The following ESPN variants were observed in gnomAD, a reference collection of about 807,000 sequenced individuals.
ESPN encodes espin.
ESPN carries 68 observed loss-of-function variants against 77.7 expected under a neutral mutation model. That is an observed-to-expected ratio of 0.87 (90% CI 0.72 to 1.07). ESPN has a LOEUF of 1.07. Ranked by LOEUF, ESPN falls within the 50% of genes least tolerant of loss-of-function variation. The pLI, the probability that ESPN is intolerant of heterozygous loss-of-function variation, is 0.00. For synonymous variants in ESPN, 449 were observed against 567.1 expected (o/e 0.79, Z 2.96); for missense variants, 1,060 against 1,239.0 (o/e 0.86, Z 2.17).
intron 2 of ESPN, among the ~76,000 whole-genome samples, chr1:6,430,982 G>C (rs1569589056): frequency 6.6e-6 from 1 of 152,134 alleles, no homozygotes; most frequent in Admixed American, 6.5e-5. Flanking sequence ...CAAAGAGCAG[G>C]TGGCCCCAAG....
At position 6,457,422 on chromosome 1, in the gene ESPN, G is replaced by A. The variant is rs752938674; in HGVS notation, c.2417+50G>A. The stretch of plus-strand genomic sequence containing the variant: ...TGCCACCCTTATCCCCACCCAAGTC[G>A]CAGAGGGTCGTCCCTTCATCCAGGC... On this transcript the variant is annotated intron_variant, in intron 12 of 12. Transcript: ENST00000645284. 7.4e-5 allele frequency: 119 copies of A among 1,613,616 alleles called. 1 individual carries two copies. In the Admixed American group the frequency reaches 1.4e-3, roughly 19 times the overall value.
At chr1:6,440,124 CG>C (rs751752459) in intron 2 of ESPN, 129 bp from the exon 3 acceptor site, 16 of 982,028 alleles carry the variant, frequency 1.6e-5, no homozygotes, top group Non-Finnish European at 2.3e-5. Flanking sequence ...AGCAGCGGGC[CG>C]GTGACAGGGC....
At chr1:6,453,982 G>C (rs142161153) in intron 10 of ESPN, among the ~76,000 whole-genome samples, 2 of 152,312 alleles carry the variant, frequency 1.3e-5, no homozygotes, top group South Asian at 4.1e-4. Flanking sequence ...CACAGGGAGC[G>C]GGAAGGCTTG....
At chr1:6,440,877 G>C in intron 4 of ESPN, 57 bp from the exon 5 acceptor site, 3 of 1,531,898 alleles carry the variant, frequency 2.0e-6, no homozygotes, top group Admixed American at 2.0e-5. Context: ...GGCCCTGCCC[G>C]GGCGCGGGGG....
chr1:6,448,803 G>C lies in ESPN; in HGVS notation c.1627G>C (p.Val543Leu). 8.5e-6 allele frequency: 11 copies of C among 1,297,534 alleles called. No homozygotes were observed. Among genetic ancestry groups the C allele is most frequent in the Non-Finnish European group, 1.1e-5 (11 of 1,027,948 alleles). The allele number at this position is 1,297,534 out of a possible 1,614,324, so 80.4% of individuals were successfully genotyped here. A position where few individuals can be genotyped will look rare whatever the true frequency, so the allele number is the denominator to read the frequency against. ...CCCGGGCATGGCGCACAGCGAGGAG[G>C]TGCGTGCCCGCCAGCCCGCGCGCGC... Reference protein sequence around the residue: ...ARPGMAHSEEVRARQPARAGC... With the variant: ...ARPGMAHSEELRARQPARAGC... The change falls in exon 8 of 13, where the codon GTG (valine) becomes CTG (leucine). Residue 543 changes from valine (V) to leucine (L), a missense_variant. Physicochemically the swap from Val to Leu is conservative, Grantham distance 32. This residue lies in a region of ESPN where 130 missense variants were observed against 223.9 expected (regional missense o/e 0.58). Coordinates refer to ENST00000645284, the MANE Select transcript of ESPN (RefSeq NM_031475.3).
In ESPN at chr1:6,433,133, A is replaced by AAAAAGAAAAAG. The variant is rs375837137; in HGVS notation, c.488+4723_488+4724insAGAAAAGAAAA. ...TGAGACTCCATCTCAAAAAAAAAGAAAAAAGAAAAGAAAAGACAGTGCAAG... is the reference window on the plus strand; with the variant it reads ...TGAGACTCCATCTCAAAAAAAAAGAAAAAAGAAAAAGAAAAGAAAAGAAAAGACAGTGCAAG... On this transcript the variant is annotated intron_variant, in intron 2 of 12. Coordinates refer to ENST00000645284, the MANE Select transcript of ESPN (RefSeq NM_031475.3). Among the ~76,000 whole-genome samples, 652 of 102,366 alleles carry AAAAAGAAAAAG rather than the reference A, an allele frequency of 6.4e-3. 9 individuals are homozygous for AAAAAGAAAAAG. Among genetic ancestry groups the AAAAAGAAAAAG allele is most frequent in the African/African-American group, 0.035 (594 of 17,068 alleles). 67.2% of individuals were successfully genotyped at this position (102,366 alleles called of 152,430 possible).
chr1:6,433,603 TTTCAA>T (rs1483536193), intron 2 of ESPN, among the ~76,000 whole-genome samples: 1 of 141,552 alleles, frequency 7.1e-6, no homozygotes, highest in African/African-American at 3.0e-5. Context: ...CAAGAATCCA[TTTCAA>T]AAAAAAAAAA....
Position 6,460,253 on chromosome 1 carries a change from T to G in ESPN, c.*107T>G. 7.1e-7 allele frequency: 1 copy of G among 1,414,514 alleles called. No homozygotes were observed. Among genetic ancestry groups the G allele is most frequent in the Non-Finnish European group, 9.6e-7 (1 of 1,045,290 alleles). The allele number at this position is 1,414,514 out of a possible 1,614,324, so 87.6% of individuals were successfully genotyped here. ...GGCTGGGAGCCGCACAGCCCTCCCC[T>G]CCTGCGCTGGAAACCCTCCCTGACC... is the stretch of plus-strand genomic sequence containing the variant. On this transcript the variant is annotated 3_prime_UTR_variant, in exon 13 of 13. Transcript: ENST00000645284.
chr1:6,449,120 G>C (rs1284615050), intron 8 of ESPN, 29 bp downstream of exon 8: 1 of 1,456,560 alleles, frequency 6.9e-7, no homozygotes, highest in African/African-American at 1.5e-5. Context: ...AGGGGCGTGG[G>C]GCGGCGCTAG....
intron 3 of ESPN, 30 bp from the exon 4 acceptor site, chr1:6,440,591 GCCCCC>G: frequency 9.4e-7 from 1 of 1,066,458 alleles, no homozygotes; most frequent in Non-Finnish European, 1.3e-6. Flanking sequence ...CTGGCGCCCA[GCCCCC>G]GCCCCCCTCT....
Position 6,444,650 on chromosome 1 carries a change from A to C in ESPN, c.1160A>C (p.His387Pro). 6.2e-7 allele frequency: 1 copy of C among 1,613,852 alleles called. No individual in the cohort carries two copies. The highest frequency in any genetic ancestry group is 2.2e-5 in the East Asian group (1 of 44,852). Residue 387 changes from histidine to proline, a missense_variant, in exon 6 of 13, where the codon CAC becomes CCC. By Grantham distance (77) the His-to-Pro change is moderately conservative. Around this residue, in one of 3 missense-constraint regions of ESPN, gnomAD observed 556 missense variants for 633.6 expected, o/e 0.88. Coordinates refer to ENST00000645284, the MANE Select transcript of ESPN (RefSeq NM_031475.3). ...AACTACGACTCCTGCTCCTCCAGCC[A>C]CTCCAGCATCAAGGGCCAGCACCCT... is the stretch of plus-strand genomic sequence containing the variant. ...LSNYDSCSSS[H>P]SSIKGQHPPC... is the part of the protein sequence containing the mutation.
chr1:6,440,725 C>T lies in ESPN; in HGVS notation c.775C>T (p.Leu259=). 2 of 1,547,250 alleles carry T rather than the reference C, an allele frequency of 1.3e-6. No homozygotes were observed. Among genetic ancestry groups the T allele is most frequent in the Non-Finnish European group, 8.7e-7 (1 of 1,155,566 alleles). Residue 259 remains leucine (L), a synonymous_variant, in exon 4 of 13, where the codon CTG becomes TTG. Coordinates refer to ENST00000645284, the MANE Select transcript of ESPN (RefSeq NM_031475.3). The part of the protein sequence containing the change: ...SRGHTKVLSW[L]LLHGGEISAD... ...CGGCCACACCAAGGTGCTCAGCTGG[C>T]TGCTGCTGCACGGCGGGGAGATCTC...
chr1:6,461,219 T>C (rs989618766), downstream of ESPN: 2 of 732,514 alleles, frequency 2.7e-6, no homozygotes, highest in Non-Finnish European at 5.0e-6. This position sits in a 1 kb window ranked among gnomAD's most constrained non-coding sequence, Gnocchi z 6.3. Flanking sequence ...GGCCGAGAAG[T>C]TGAGAAATGT....
At chr1:6,461,069 C>A, downstream of ESPN, 1 of 482,998 alleles carries the variant, frequency 2.1e-6, no homozygotes, top group African/African-American at 2.0e-5. This position sits in a 1 kb window ranked among gnomAD's most constrained non-coding sequence, Gnocchi z 6.3. Flanking sequence ...CCCGGGGTGA[C>A]AAGATTCCCG....
At position 6,458,083 on chromosome 1, in the gene ESPN, G is replaced by T. The variant is rs576265575; in HGVS notation, c.2417+711G>T. Among the ~76,000 whole-genome samples the T allele has an allele frequency of 2.4e-4, 37 of 151,676 alleles. 2 individuals are homozygous for T. Among genetic ancestry groups the T allele is most frequent in the Middle Eastern group, 6.8e-3 (2 of 294 alleles). On this transcript the variant is annotated intron_variant, in intron 12 of 12. Transcript: ENST00000645284. Reference sequence around the variant, plus strand: ...GTCACCCAATCTGGAGTGCAGTGGCGATCTGGGCTCATGCAACCTCTGCCT... The same window carrying T: ...GTCACCCAATCTGGAGTGCAGTGGCTATCTGGGCTCATGCAACCTCTGCCT...
rs544788189 is a variant in ESPN, at chr1:6,450,399, C to T, written c.1916-1204C>T. ...GCTGTCCCAGTCTCATCCTGCCCCC[C>T]CTCCCTCCTAACTCCGCTGTCACTT... On this transcript the variant is annotated intron_variant, in intron 8 of 12. Coordinates refer to ENST00000645284, the MANE Select transcript of ESPN (RefSeq NM_031475.3). The surrounding 1 kb of genome is among the most constrained non-coding windows in gnomAD (Gnocchi z 4.3). 5.5e-6 allele frequency: 5 copies of T among 912,226 alleles called. No individual in the cohort carries two copies. Among genetic ancestry groups the T allele is most frequent in the Non-Finnish European group, 5.2e-6 (4 of 762,594 alleles). The allele number at this position is 912,226 out of a possible 1,614,324, so 56.5% of individuals were successfully genotyped here.
At chr1:6,455,807 C>T in intron 10 of ESPN, 2 of 398,840 alleles carry the variant, frequency 5.0e-6, no homozygotes, top group Middle Eastern at 6.2e-4. Context: ...TGGAGGCCGG[C>T]CGGCGCGGCT....
intron 10 of ESPN, chr1:6,455,487 C>A (rs1040058122): frequency 5.0e-6 from 2 of 397,536 alleles, no homozygotes; most frequent in Admixed American, 4.4e-5. Flanking sequence ...GCTGAGGCAG[C>A]GGCAGGCGGT....
chr1:6,442,485 A>G (rs544246595), intron 5 of ESPN, among the ~76,000 whole-genome samples: 1 of 151,946 alleles, frequency 6.6e-6, no homozygotes, highest in African/African-American at 2.4e-5. Flanking sequence ...GAGGCAGGAA[A>G]ATCGCTTGAA....
Sources: allele counts gnomAD v4.1 joint callset (sites outside exome capture counted in the v4.1 genomes callset), GRCh38; gene constraint gnomAD v4.1.1; regional missense constraint gnomAD v4.1.1; non-coding constraint Gnocchi (gnomAD v3.1); transcripts MANE v1.5; gene names NCBI Gene and HGNC (gene_info 2026-07-23, HGNC 2026-07-21).